The following TMEM151B variants were observed in gnomAD, a reference collection of about 807,000 sequenced individuals.
TMEM151B encodes transmembrane protein 193.
Under a neutral mutation model 33.0 loss-of-function variants are expected in TMEM151B, and 18 were observed. The observed-to-expected ratio is 0.55, with a 90% CI of 0.38 to 0.81. TMEM151B has a LOEUF of 0.81. Ranked by LOEUF, TMEM151B falls within the 30% of genes least tolerant of loss-of-function variation. The pLI, the probability that TMEM151B is intolerant of heterozygous loss-of-function variation, is 0.00. For missense variants in TMEM151B, 672 were observed against 843.4 expected, an observed-to-expected ratio of 0.80 and a Z score of 2.52; for synonymous variants, 354 against 373.6, an observed-to-expected ratio of 0.95 and a Z score of 0.61.
chr6:44,276,416 C>T lies in TMEM151B; in HGVS notation c.1590C>T (p.Tyr530=), dbSNP rs1487012991. 6.6e-7 allele frequency: 1 copy of T among 1,512,194 alleles called. No homozygotes were observed. The highest frequency in any genetic ancestry group is 8.8e-7 in the Non-Finnish European group (1 of 1,135,478). The allele number at this position is 1,512,194 out of a possible 1,614,324, so 93.7% of individuals were successfully genotyped here. ...AGGAGGCCGGGCCGCCGCCGCCCTA[C>T]CACGACGCCCTCTACTTTCCGGTCC... is the stretch of plus-strand genomic sequence containing the variant. ...DEEEAGPPPP[Y]HDALYFPVLI... The change falls in exon 3 of 3, where the codon TAC becomes TAT. Residue 530 remains tyrosine, a synonymous_variant. Transcript: ENST00000451188.
At position 44,276,682 on chromosome 6, in the gene TMEM151B, G is replaced by T. The variant is rs1040558103; in HGVS notation, c.*155G>T. The stretch of plus-strand genomic sequence containing the variant: ...CCGCAAGACAGGCCCGGATGGGGCC[G>T]AGACCCCCGCTGTCCCTGTACATAA... On this transcript the variant is annotated 3_prime_UTR_variant, in exon 3 of 3. Coordinates refer to ENST00000451188, the MANE Select transcript of TMEM151B (RefSeq NM_001137560.2). 3 of 1,260,490 alleles carry T rather than the reference G, an allele frequency of 2.4e-6. No homozygotes were observed. In the African/African-American group the frequency reaches 4.7e-5, roughly 20 times the overall value. The allele number at this position is 1,260,490 out of a possible 1,614,324, so 78.1% of individuals were successfully genotyped here.
In TMEM151B at chr6:44,270,583, C is replaced by G. The variant is rs1329978170; in HGVS notation, c.-160C>G. 5.3e-6 allele frequency: 1 copy of G among 188,082 alleles called. No individual in the cohort carries two copies. The highest frequency in any genetic ancestry group is 1.3e-4 in the East Asian group (1 of 7,640). 11.7% of individuals were successfully genotyped at this position (188,082 alleles called of 1,614,324 possible). The stretch of plus-strand genomic sequence containing the variant: ...GCCTCCCACCCTCAGCCCCCAGCCC[C>G]TTACTCCCGGTGCCCTTTCCGGGCC... On this transcript the variant is annotated 5_prime_UTR_variant, in exon 1 of 3. Transcript: ENST00000451188.
chr6:44,274,324 A>C lies in TMEM151B; in HGVS notation c.576+818A>C, dbSNP rs12665770. ...TTCTTTCACAGGTATGGACACCTAA[A>C]CTCAGTGACTTGTCCAAAGTCTGCT... is the stretch of plus-strand genomic sequence containing the variant. On this transcript the variant is annotated intron_variant, in intron 2 of 2. Transcript: ENST00000451188. 4.5e-4 allele frequency among the ~76,000 whole-genome samples: 69 copies of C among 152,326 alleles called. 1 individual carries two copies. The East Asian group carries it at 0.013, about 29-fold the overall frequency.
At position 44,276,168 on chromosome 6, in the gene TMEM151B, C is replaced by A; in HGVS notation, c.1342C>A (p.Arg448Ser). ...RAVSSSSIFS[R>S]SALSICASPR... ...CGTCAGCAGCTCGTCTATCTTCTCG[C>A]GCAGCGCCCTAAGCATCTGCGCCAG... The change falls in exon 3 of 3, where the codon CGC (arginine) becomes AGC (serine). Residue 448 changes from arginine to serine, a missense_variant. Arg to Ser is a moderately radical substitution (Grantham distance 110, BLOSUM62 -1). Around this residue, in one of 3 missense-constraint regions of TMEM151B, gnomAD observed 324 missense variants for 363.1 expected, o/e 0.89. Transcript: ENST00000451188. 7.6e-7 allele frequency: 1 copy of A among 1,311,208 alleles called. No homozygotes were observed. The highest frequency in any genetic ancestry group is 9.6e-7 in the Non-Finnish European group (1 of 1,038,278). The allele number at this position is 1,311,208 out of a possible 1,614,324, so 81.2% of individuals were successfully genotyped here. A position where few individuals can be genotyped will look rare whatever the true frequency, so the allele number is the denominator to read the frequency against.
Position 44,276,259 on chromosome 6 carries a change from G to T in TMEM151B, c.1433G>T (p.Arg478Leu). 7.5e-7 allele frequency: 1 copy of T among 1,324,890 alleles called. No individual in the cohort carries two copies. The highest frequency in any genetic ancestry group is 1.5e-5 in the African/African-American group (1 of 65,202). The allele number at this position is 1,324,890 out of a possible 1,614,324, so 82.1% of individuals were successfully genotyped here. Residue 478 changes from arginine (R) to leucine (L), a missense_variant, in exon 3 of 3, where the codon CGT becomes CTT. By Grantham distance (102) the Arg-to-Leu change is moderately radical. This residue lies in a region of TMEM151B where 324 missense variants were observed against 363.1 expected (regional missense o/e 0.89). Transcript: ENST00000451188. ...GGGGGCAGCCGCTTCTCGCTGGGCC[G>T]TCTCTACGGCTCCCGGCGCAGCTGC... ...GCGGSRFSLG[R>L]LYGSRRSCLW...
At chr6:44,274,864 G>C (rs1230804169) in intron 2 of TMEM151B, among the ~76,000 whole-genome samples, 1 of 152,052 alleles carries the variant, frequency 6.6e-6, no homozygotes, top group Non-Finnish European at 1.5e-5. Context: ...CATGCCTGTA[G>C]TCCCAGCACT....
chr6:44,276,076 G>T lies in TMEM151B; in HGVS notation c.1250G>T (p.Gly417Val). Residue 417 changes from glycine to valine, a missense_variant, in exon 3 of 3, where the codon GGG becomes GTG. Gly to Val is a moderately radical substitution (Grantham distance 109). Around this residue, in one of 3 missense-constraint regions of TMEM151B, gnomAD observed 324 missense variants for 363.1 expected, o/e 0.89. Transcript: ENST00000451188. ...GGYAPSCRYG[G>V]VGGPGAAGVA... ...TACGCGCCCTCGTGCCGCTACGGTG[G>T]GGTAGGCGGCCCGGGCGCGGCGGGC... 7.5e-7 allele frequency: 1 copy of T among 1,326,162 alleles called. No homozygotes were observed. Among genetic ancestry groups the T allele is most frequent in the Non-Finnish European group, 9.6e-7 (1 of 1,046,016 alleles). The allele number at this position is 1,326,162 out of a possible 1,614,324, so 82.1% of individuals were successfully genotyped here. A position where few individuals can be genotyped will look rare whatever the true frequency, so the allele number is the denominator to read the frequency against.
In TMEM151B at chr6:44,276,717, T is replaced by G. The variant is rs1782606021; in HGVS notation, c.*190T>G. 3.4e-6 allele frequency: 4 copies of G among 1,180,012 alleles called. No homozygotes were observed. In the African/African-American group the frequency reaches 6.3e-5, roughly 19 times the overall value. 73.1% of individuals were successfully genotyped at this position (1,180,012 alleles called of 1,614,324 possible). ...CTGTCCCTGTACATAAAGAGACCGATGGGTGGGAGGGGGTCGGCTGCTCCC... is the reference window on the plus strand; with the variant it reads ...CTGTCCCTGTACATAAAGAGACCGAGGGGTGGGAGGGGGTCGGCTGCTCCC... On this transcript the variant is annotated 3_prime_UTR_variant, in exon 3 of 3. Transcript: ENST00000451188.
chr6:44,272,930 C>A, intron 1 of TMEM151B, 136 bp from the exon 2 acceptor site: 1 of 771,488 alleles, frequency 1.3e-6, no homozygotes, highest in South Asian at 1.9e-5. Flanking sequence ...CTTTTCTCTC[C>A]ATATCCCTGT....
Position 44,275,542 on chromosome 6 carries a change from G to A in TMEM151B, c.716G>A (p.Ser239Asn), listed in dbSNP as rs1265093071. The A allele has an allele frequency of 3.9e-6, 6 of 1,550,554 alleles. No homozygotes were observed. The highest frequency in any genetic ancestry group is 5.2e-6 in the Non-Finnish European group (6 of 1,146,606). The change falls in exon 3 of 3, where the codon AGT becomes AAT. Residue 239 changes from serine to asparagine, a missense_variant. Around this residue, in one of 3 missense-constraint regions of TMEM151B, gnomAD observed 285 missense variants for 423.1 expected, o/e 0.67. Transcript: ENST00000451188. ...CGGCTGCGCTTCACCAAGTGCTTCA[G>A]TTTCGCCAGCGTGGAGGCCGAGAAC... is the stretch of plus-strand genomic sequence containing the variant. ...ATRLRFTKCF[S>N]FASVEAENAY...
In TMEM151B at chr6:44,273,146, G is replaced by T. The variant is rs1360249220; in HGVS notation, c.216G>T (p.Met72Ile). 1.3e-6 allele frequency: 2 copies of T among 1,543,372 alleles called. No individual in the cohort carries two copies. Among genetic ancestry groups the T allele is most frequent in the Non-Finnish European group, 1.8e-6 (2 of 1,141,164 alleles). ...HWKCLLLSLL[M>I]YGCLGAVAWC... The stretch of plus-strand genomic sequence containing the variant: ...AGTGCCTCCTGCTCTCGCTGCTCAT[G>T]TACGGCTGCCTGGGGGCAGTGGCCT... The change falls in exon 2 of 3, where the codon ATG (methionine) becomes ATT (isoleucine). Residue 72 changes from methionine (M) to isoleucine (I), a missense_variant. By Grantham distance (10) the Met-to-Ile change is conservative. Coordinates refer to ENST00000451188, the MANE Select transcript of TMEM151B (RefSeq NM_001137560.2).
rs1583013152 is a variant in TMEM151B at position 44,270,746 on chromosome 6, T to G, written c.4T>G (p.Ser2Ala). M[S>A]PPGSAAGESA... is the part of the protein sequence containing the mutation. ...CTCGACGCGCCCCCTCTACGCCATG[T>G]CCCCCCCTGGCTCGGCCGCGGGAGA... is the stretch of plus-strand genomic sequence containing the variant. Residue 2 changes from serine (S) to alanine (A), a missense_variant, in exon 1 of 3, where the codon TCC (serine) becomes GCC (alanine). Coordinates refer to ENST00000451188, the MANE Select transcript of TMEM151B (RefSeq NM_001137560.2). 17 of 1,039,306 alleles carry G rather than the reference T, an allele frequency of 1.6e-5. No homozygotes were observed. In the East Asian group the frequency reaches 1.8e-4, roughly 11 times the overall value. The allele number at this position is 1,039,306 out of a possible 1,614,324, so 64.4% of individuals were successfully genotyped here.
Position 44,276,130 on chromosome 6 carries a change from A to G in TMEM151B, c.1304A>G (p.His435Arg). Residue 435 changes from histidine to arginine, a missense_variant, in exon 3 of 3, where the codon CAC becomes CGC. His to Arg is a conservative substitution (Grantham distance 29). This residue lies in a region of TMEM151B where 324 missense variants were observed against 363.1 expected (regional missense o/e 0.89). Transcript: ENST00000451188. ...GCTCCCTACCGGCGCAGCTGCGAGC[A>G]CTGCCAGCGCGCCGTCAGCAGCTCG... Reference protein sequence around the residue: ...GVAPYRRSCEHCQRAVSSSSI... With the variant: ...GVAPYRRSCERCQRAVSSSSI... 3 of 1,314,872 alleles carry G rather than the reference A, an allele frequency of 2.3e-6. No homozygotes were observed. Among genetic ancestry groups the G allele is most frequent in the East Asian group, 3.1e-5 (1 of 31,850 alleles). The allele number at this position is 1,314,872 out of a possible 1,614,324, so 81.5% of individuals were successfully genotyped here. A position where few individuals can be genotyped will look rare whatever the true frequency, so the allele number is the denominator to read the frequency against.
At position 44,270,660 on chromosome 6, in the gene TMEM151B, C is replaced by T. The variant is rs534272202; in HGVS notation, c.-83C>T. ...AGCGAGGGCCCCGCCCCCTCCCGTC[C>T]TCTCCCCAGGGCCCGCGCAGGATGC... is the stretch of plus-strand genomic sequence containing the variant. On this transcript the variant is annotated 5_prime_UTR_variant, in exon 1 of 3. Transcript: ENST00000451188. 532 of 281,266 alleles carry T rather than the reference C, an allele frequency of 1.9e-3. 4 individuals are homozygous for T. The highest frequency in any genetic ancestry group is 0.012 in the African/African-American group (503 of 43,482). The allele number at this position is 281,266 out of a possible 1,614,324, so 17.4% of individuals were successfully genotyped here. A position where few individuals can be genotyped will look rare whatever the true frequency, so the allele number is the denominator to read the frequency against.
At position 44,276,968 on chromosome 6, in the gene TMEM151B, C is replaced by T. The variant is rs907961214; in HGVS notation, c.*441C>T. The stretch of plus-strand genomic sequence containing the variant: ...TTCCTTCCTTCGTGGCCTCACTCCC[C>T]TGGGGCCTCTCTCTATGGAGGGGGC... On this transcript the variant is annotated 3_prime_UTR_variant, in exon 3 of 3. Coordinates refer to ENST00000451188, the MANE Select transcript of TMEM151B (RefSeq NM_001137560.2). 6.4e-6 allele frequency: 1 copy of T among 156,844 alleles called. No individual in the cohort carries two copies. Among genetic ancestry groups the T allele is most frequent in the Non-Finnish European group, 1.4e-5 (1 of 71,404 alleles). 9.7% of individuals were successfully genotyped at this position (156,844 alleles called of 1,614,324 possible). A position where few individuals can be genotyped will look rare whatever the true frequency, so the allele number is the denominator to read the frequency against.
rs545652980 is a variant in TMEM151B at position 44,275,929 on chromosome 6, T to C, written c.1103T>C (p.Val368Ala). ...LTHRLPRVNT[V>A]DSTELEWHIR... The stretch of plus-strand genomic sequence containing the variant: ...CACCGCCTGCCGCGGGTCAACACAG[T>C]AGACAGCACGGAGCTCGAGTGGCAC... The change falls in exon 3 of 3, where the codon GTA (valine) becomes GCA (alanine). Residue 368 changes from valine (V) to alanine (A), a missense_variant. Val to Ala is a moderately conservative substitution (Grantham distance 64, BLOSUM62 0). This residue lies in a region of TMEM151B where 324 missense variants were observed against 363.1 expected (regional missense o/e 0.89). Coordinates refer to ENST00000451188, the MANE Select transcript of TMEM151B (RefSeq NM_001137560.2). The C allele has an allele frequency of 2.0e-6, 3 of 1,507,048 alleles. No homozygotes were observed. Among genetic ancestry groups the C allele is most frequent in the South Asian group, 2.5e-5 (2 of 79,622 alleles). The allele number at this position is 1,507,048 out of a possible 1,614,324, so 93.4% of individuals were successfully genotyped here. A position where few individuals can be genotyped will look rare whatever the true frequency, so the allele number is the denominator to read the frequency against.
Position 44,273,303 on chromosome 6 carries a change from G to A in TMEM151B, c.373G>A (p.Ala125Thr), listed in dbSNP as rs1199159566. 4 of 1,551,678 alleles carry A rather than the reference G, an allele frequency of 2.6e-6. No individual in the cohort carries two copies. Among genetic ancestry groups the A allele is most frequent in the South Asian group, 1.2e-5 (1 of 84,068 alleles). The stretch of plus-strand genomic sequence containing the variant: ...CCTGGCCTTCCTGCTCATGTTGTAC[G>A]CCGTCTACCTGGTGGAGTGTTGGCA... ...IPLAFLLMLY[A>T]VYLVECWHCQ... Residue 125 changes from alanine (A) to threonine (T), a missense_variant, in exon 2 of 3, where the codon GCC becomes ACC. Coordinates refer to ENST00000451188, the MANE Select transcript of TMEM151B (RefSeq NM_001137560.2).
At chr6:44,271,088 A>AG (rs927832623) in intron 1 of TMEM151B, among the ~76,000 whole-genome samples, 123 of 150,766 alleles carry the variant, frequency 8.2e-4, no homozygotes, top group Non-Finnish European at 1.4e-3. Context: ...GGCGGGGCTC[A>AG]GGGGTCCCGG....
At chr6:44,271,510 A>T (rs1782355820) in intron 1 of TMEM151B, among the ~76,000 whole-genome samples, 1 of 152,008 alleles carries the variant, frequency 6.6e-6, no homozygotes, top group South Asian at 2.1e-4. Context: ...CCAGCCTCCC[A>T]TGCACACTTG....
Sources: gnomAD v4.1 joint callset for allele counts (sites outside exome capture counted in the v4.1 genomes callset) on GRCh38, gnomAD v4.1.1 for gene constraint, gnomAD v4.1.1 regional missense constraint, MANE v1.5 for transcripts, NCBI Gene and HGNC (gene_info 2026-07-23, HGNC 2026-07-21) for gene names.